Variants in GJB7 observed in about 807,000 individuals in gnomAD.
GJB7 encodes gap junction beta-7 protein.
For missense variants in GJB7, 253 were observed against 256.8 expected (o/e 0.99, Z 0.10); for synonymous variants, 87 against 95.2 (o/e 0.91, Z 0.50).
chr6:87,328,342 T>G (rs1349464382), intron 1 of GJB7, among the ~76,000 whole-genome samples: 1 of 152,220 alleles, frequency 6.6e-6, no homozygotes, highest in African/African-American at 2.4e-5. Flanking sequence ...TTTTTAGAGT[T>G]TCCAGTTTTT....
chr6:87,293,997 A>C (rs1776215496), intron 2 of GJB7, among the ~76,000 whole-genome samples: 1 of 152,210 alleles, frequency 6.6e-6, no homozygotes, highest in Non-Finnish European at 1.5e-5. Flanking sequence ...TTATGGACAC[A>C]GTGCCTCTGC....
intron 2 of GJB7, among the ~76,000 whole-genome samples, chr6:87,309,381 A>T (rs1036800510): frequency 2.0e-5 from 3 of 152,236 alleles, no homozygotes; most frequent in Non-Finnish European, 2.9e-5. Context: ...AGCCTTCCAG[A>T]GTCTTCCCTG....
chr6:87,299,141 G>T, intron 2 of GJB7: 1 of 469,408 alleles, frequency 2.1e-6, no homozygotes. Flanking sequence ...GAAAGGCTTT[G>T]AAAAGATTAG....
intron 2 of GJB7, among the ~76,000 whole-genome samples, chr6:87,291,121 T>C (rs1021492671): frequency 8.5e-5 from 13 of 152,190 alleles, no homozygotes; most frequent in African/African-American, 3.1e-4. Context: ...ATCAGGCTTC[T>C]ATAGTCAGTA....
At chr6:87,327,389 G>A (rs1776854356) in intron 1 of GJB7, among the ~76,000 whole-genome samples, 1 of 152,154 alleles carries the variant, frequency 6.6e-6, no homozygotes, top group Non-Finnish European at 1.5e-5. Context: ...GCAATGGATG[G>A]TACAGGTTGT....
intron 2 of GJB7, among the ~76,000 whole-genome samples, chr6:87,287,597 G>T (rs73485851): frequency 2.0e-5 from 3 of 152,104 alleles, no homozygotes; most frequent in Non-Finnish European, 4.4e-5. Context: ...TAAGCCTACC[G>T]GAAAGGTTAA....
At chr6:87,315,242 G>A (rs531064364) in intron 2 of GJB7, among the ~76,000 whole-genome samples, 10 of 152,252 alleles carry the variant, frequency 6.6e-5, no homozygotes, top group African/African-American at 2.2e-4. Flanking sequence ...CCCAACTGGT[G>A]GGGAACTGCA....
At chr6:87,292,911 CA>C (rs1776199372) in intron 2 of GJB7, among the ~76,000 whole-genome samples, 1 of 152,244 alleles carries the variant, frequency 6.6e-6, no homozygotes, top group Admixed American at 6.5e-5. Context: ...ATCCACAAAC[CA>C]TGTGAGTTTC....
At chr6:87,305,209 T>C (rs1453864259) in intron 2 of GJB7, among the ~76,000 whole-genome samples, 1 of 152,144 alleles carries the variant, frequency 6.6e-6, no homozygotes, top group African/African-American at 2.4e-5. Context: ...TAAAGGGTAT[T>C]CAATTAGGAA....
chr6:87,311,509 C>G (rs185228358), intron 2 of GJB7, among the ~76,000 whole-genome samples: 1 of 152,220 alleles, frequency 6.6e-6, no homozygotes, highest in East Asian at 1.9e-4. Flanking sequence ...AGAGAAATCA[C>G]AGAGGAATAT....
intron 2 of GJB7, among the ~76,000 whole-genome samples, chr6:87,301,774 T>C (rs1011920747): frequency 6.8e-4 from 104 of 152,192 alleles, no homozygotes; most frequent in African/African-American, 2.3e-3. Flanking sequence ...CTGGGAGGCA[T>C]CCCCCAGTAG....
At chr6:87,304,574 A>G (rs1221557007) in intron 2 of GJB7, among the ~76,000 whole-genome samples, 1 of 152,232 alleles carries the variant, frequency 6.6e-6, no homozygotes, top group Non-Finnish European at 1.5e-5. Flanking sequence ...AGATGTATTC[A>G]CAGCCAAATT....
At chr6:87,315,813 A>AAAAG (rs1416980450) in intron 2 of GJB7, among the ~76,000 whole-genome samples, 45 of 148,628 alleles carry the variant, frequency 3.0e-4, no homozygotes, top group African/African-American at 7.9e-4. Flanking sequence ...AAAAAAAAAA[A>AAAAG]AAAGAAAGAA....
At chr6:87,315,797 A>C (rs1258371743) in intron 2 of GJB7, among the ~76,000 whole-genome samples, 1 of 107,810 alleles carries the variant, frequency 9.3e-6, no homozygotes, top group African/African-American at 4.4e-5. Flanking sequence ...CTCTATCTCA[A>C]AAAAAAAAAA....
intron 2 of GJB7, among the ~76,000 whole-genome samples, chr6:87,310,158 T>C (rs900957067): frequency 6.6e-6 from 1 of 152,070 alleles, no homozygotes; most frequent in Non-Finnish European, 1.5e-5. Flanking sequence ...AATACAACTG[T>C]AGAAGGATGG....
At chr6:87,289,273 T>G (rs1211504093) in intron 2 of GJB7, among the ~76,000 whole-genome samples, 1 of 152,240 alleles carries the variant, frequency 6.6e-6, no homozygotes, top group Non-Finnish European at 1.5e-5. Context: ...TTCATTATGT[T>G]GGCTTTTTTT....
rs140026373 is a variant in GJB7, at chr6:87,312,670, T to C, written c.-28+10196A>G. On this transcript the variant is annotated intron_variant, in intron 2 of 2. Coordinates refer to ENST00000525899, the MANE Select transcript of GJB7 (RefSeq NM_198568.3). ...ATCTCTTACAAGTATACAAGCCAAT[T>C]ATCCCTTTTGCCTTGATTCACCCAG... is the stretch of plus-strand genomic sequence containing the variant. Among the ~76,000 whole-genome samples, 601 of 152,322 alleles carry C rather than the reference T, an allele frequency of 3.9e-3. 3 individuals carry two copies. The highest frequency in any genetic ancestry group is 7.0e-3 in the Non-Finnish European group (477 of 68,028).
At chr6:87,286,385 G>C (rs1776059776) in intron 2 of GJB7, among the ~76,000 whole-genome samples, 1 of 152,120 alleles carries the variant, frequency 6.6e-6, no homozygotes, top group Non-Finnish European at 1.5e-5. Context: ...TGCCCACAAA[G>C]TTCTTCAGAT....
chr6:87,324,311 T>C (rs1297162304), intron 1 of GJB7, among the ~76,000 whole-genome samples: 1 of 152,260 alleles, frequency 6.6e-6, no homozygotes, highest in Non-Finnish European at 1.5e-5. Context: ...TGGTTGCTAT[T>C]GCTTTTGGTG....
Sources: allele counts gnomAD v4.1 joint callset (sites outside exome capture counted in the v4.1 genomes callset), GRCh38; gene constraint gnomAD v4.1.1; transcripts MANE v1.5; gene names NCBI Gene and HGNC (gene_info 2026-07-23, HGNC 2026-07-21).